VTI1A: variants seen among roughly 807,000 people sequenced by gnomAD.
The protein encoded by VTI1A is vesicle transport through interaction with t-SNAREs homolog 1A.
A neutral mutation model predicts 34.9 loss-of-function variants in VTI1A; 22 were observed. The ratio of observed to expected loss-of-function variants is 0.63; its 90% confidence interval spans 0.45 to 0.90. The LOEUF (loss-of-function observed/expected upper bound fraction) is 0.90. Among genes scored for constraint, VTI1A ranks in the 40% least tolerant of loss-of-function variants. The pLI is 0.00. For synonymous variants in VTI1A, 87 were observed against 97.3 expected (o/e 0.89, Z 0.62); for missense variants, 268 against 275.6 (o/e 0.97, Z 0.20).
chr10:112,733,715 T>C, intron 7 of VTI1A, among the ~76,000 whole-genome samples: 1 of 149,944 alleles, frequency 6.7e-6, no homozygotes, highest in East Asian at 2.0e-4. Context: ...GCTAGTCAGT[T>C]CTCATTTACA....
Position 112,502,434 on chromosome 10 carries a change from C to A in VTI1A, c.265-24653C>A, listed in dbSNP as rs924243570. Among the ~76,000 whole-genome samples, 7 of 152,096 alleles carry A rather than the reference C, an allele frequency of 4.6e-5. No homozygotes were observed. In the East Asian group the frequency reaches 1.3e-3, roughly 29 times the overall value. ...ATCTGTGTTGCAGTTATACCTGTGA[C>A]CTTCCAGTCAACAACCCCTACAAAA... On this transcript the variant is annotated intron_variant, in intron 3 of 7. Coordinates refer to ENST00000393077, the MANE Select transcript of VTI1A (RefSeq NM_145206.4).
At chr10:112,765,754 T>G (rs546181982) in intron 7 of VTI1A, among the ~76,000 whole-genome samples, 2 of 152,244 alleles carry the variant, frequency 1.3e-5, no homozygotes, top group Admixed American at 6.5e-5. Context: ...GATAAGTAAG[T>G]GGTTCTCAAA....
intron 7 of VTI1A, among the ~76,000 whole-genome samples, chr10:112,673,229 C>T (rs970832736): frequency 6.6e-6 from 1 of 151,302 alleles, no homozygotes; most frequent in African/African-American, 2.4e-5. Flanking sequence ...GCATGAAAAT[C>T]ACTTCAGCCT....
At chr10:112,666,984 G>T (rs1259352693) in intron 5 of VTI1A, among the ~76,000 whole-genome samples, 1 of 151,964 alleles carries the variant, frequency 6.6e-6, no homozygotes, top group Non-Finnish European at 1.5e-5. Flanking sequence ...GCTAGTAAGG[G>T]CCAGCACTGG....
intron 4 of VTI1A, among the ~76,000 whole-genome samples, chr10:112,531,351 G>A (rs575169853): frequency 6.6e-6 from 1 of 152,180 alleles, no homozygotes; most frequent in Admixed American, 6.5e-5. Flanking sequence ...ACACTCTCAT[G>A]TTGCCTATGA....
chr10:112,619,891 G>A (rs761214410), intron 5 of VTI1A, among the ~76,000 whole-genome samples: 3 of 152,178 alleles, frequency 2.0e-5, no homozygotes, highest in Non-Finnish European at 2.9e-5. Flanking sequence ...CCTAGGGGAG[G>A]ACATAATTGA....
At chr10:112,803,344 A>G (rs992179363) in intron 7 of VTI1A, among the ~76,000 whole-genome samples, 7 of 152,258 alleles carry the variant, frequency 4.6e-5, no homozygotes, top group African/African-American at 1.7e-4. Context: ...CTGGGATTAC[A>G]GGCATGAGCC....
At chr10:112,770,362 A>G (rs939075606) in intron 7 of VTI1A, among the ~76,000 whole-genome samples, 2 of 152,038 alleles carry the variant, frequency 1.3e-5, no homozygotes, top group Non-Finnish European at 2.9e-5. Flanking sequence ...ATGCAGCCTC[A>G]TGAACAAAAC....
chr10:112,795,761 G>C (rs978412065), intron 7 of VTI1A, among the ~76,000 whole-genome samples: 2 of 151,824 alleles, frequency 1.3e-5, no homozygotes, highest in African/African-American at 4.8e-5. Flanking sequence ...ATAACACTGT[G>C]AATAAATTAG....
intron 1 of VTI1A, among the ~76,000 whole-genome samples, chr10:112,456,439 AAAG>A (rs1847528800): frequency 6.6e-6 from 1 of 151,676 alleles, no homozygotes; most frequent in South Asian, 2.1e-4. Context: ...AAAAAAAAAA[AAAG>A]AGGAAACTGT....
rs74156813 is a variant in VTI1A at position 112,764,517 on chromosome 10, A to G, written c.561-50773A>G. On this transcript the variant is annotated intron_variant, in intron 7 of 7. Transcript: ENST00000393077. ...GTTTTATATAGAGTGATATACTGAA[A>G]AAAATTTGAAAATTATAGGGAATTG... 5.8e-3 allele frequency among the ~76,000 whole-genome samples: 877 copies of G among 152,288 alleles called. 8 individuals are homozygous for G. The highest frequency in any genetic ancestry group is 0.02 in the African/African-American group (825 of 41,528).
chr10:112,827,034 A>C, the VTI1A span: 3 of 152,302 alleles, frequency 2.0e-5, no homozygotes, highest in South Asian at 6.2e-4. Context: ...TTTGGTTTCT[A>C]CAGCTTTTCC....
intron 3 of VTI1A, among the ~76,000 whole-genome samples, chr10:112,483,171 GTC>G (rs1379352197): frequency 6.6e-6 from 1 of 152,094 alleles, no homozygotes; most frequent in Non-Finnish European, 1.5e-5. Context: ...TGCTTTTAAT[GTC>G]TTTTTTGGAA....
At chr10:112,727,949 A>C (rs1288503436) in intron 7 of VTI1A, among the ~76,000 whole-genome samples, 1 of 152,132 alleles carries the variant, frequency 6.6e-6, no homozygotes, top group East Asian at 1.9e-4. Flanking sequence ...GACCAACTTA[A>C]GGAGGGGTTT....
At chr10:112,820,266 A>AAAGGAAGAAAGG (rs558870877), downstream of VTI1A, among the ~76,000 whole-genome samples, 2 of 152,222 alleles carry the variant, frequency 1.3e-5, no homozygotes, top group Non-Finnish European at 2.9e-5. Flanking sequence ...CATTTTTCCA[A>AAAGGAAGAAAGG]AAGGAAGAAA....
intron 4 of VTI1A, among the ~76,000 whole-genome samples, chr10:112,537,311 G>GTATATATATAGATATATATATATA (rs1850673451): frequency 1.5e-5 from 1 of 65,222 alleles, no homozygotes; most frequent in South Asian, 4.8e-4. Context: ...AAGTATCTAG[G>GTATATATATAGATATATATATATA]TATATATATA....
chr10:112,566,511 T>G (rs1223553259), intron 5 of VTI1A, among the ~76,000 whole-genome samples: 1 of 152,226 alleles, frequency 6.6e-6, no homozygotes, highest in Non-Finnish European at 1.5e-5. Flanking sequence ...CGGCAGATTC[T>G]AGAAACTGCT....
intron 5 of VTI1A, among the ~76,000 whole-genome samples, chr10:112,556,263 C>A (rs1219988768): frequency 6.6e-6 from 1 of 151,922 alleles, no homozygotes; most frequent in African/African-American, 2.4e-5. Flanking sequence ...GTAGAGAAGT[C>A]GCTTTTCACA....
At position 112,627,986 on chromosome 10, in the gene VTI1A, C is replaced by T. The variant is rs191946453; in HGVS notation, c.428-40232C>T. ...CAGAGTCACATGAGAAAATGAGCCC[C>T]GCGCGTGTGTTGGAGAAGTGGACGC... On this transcript the variant is annotated intron_variant, in intron 5 of 7. Coordinates refer to ENST00000393077, the MANE Select transcript of VTI1A (RefSeq NM_145206.4). 5.2e-3 allele frequency among the ~76,000 whole-genome samples: 791 copies of T among 152,164 alleles called. 6 individuals carry two copies. The highest frequency in any genetic ancestry group is 8.3e-3 in the Non-Finnish European group (566 of 68,012).
Sources: gnomAD v4.1 joint callset for allele counts (sites outside exome capture counted in the v4.1 genomes callset) on GRCh38, gnomAD v4.1.1 for gene constraint, MANE v1.5 for transcripts, NCBI Gene and HGNC (gene_info 2026-07-23, HGNC 2026-07-21) for gene names.